Variants in ADAM29 observed in about 807,000 individuals in gnomAD.
ADAM29 encodes disintegrin and metalloproteinase domain-containing protein 29.
For synonymous variants in ADAM29, 367 were observed against 342.3 expected (o/e 1.07, Z -0.80); for missense variants, 969 against 1,001.8 (o/e 0.97, Z 0.44).
intron 3 of ADAM29, among the ~76,000 whole-genome samples, chr4:174,932,324 A>C (rs888216164): frequency 4.6e-5 from 7 of 152,178 alleles, no homozygotes; most frequent in Admixed American, 4.6e-4. Context: ...CAATATATGA[A>C]GTTTTCCTGA....
chr4:174,926,244 G>GA (rs1359964066), intron 2 of ADAM29, among the ~76,000 whole-genome samples: 8 of 152,028 alleles, frequency 5.3e-5, no homozygotes, highest in African/African-American at 1.9e-4. Flanking sequence ...TTTTACAAAA[G>GA]AAAAAACCGT....
Position 174,976,776 on chromosome 4 carries a change from G to C in ADAM29, c.1251G>C (p.Lys417Asn). ...AAGAGTGTGACTGTGGACCTTTAAAGCATTGTGCAAAAGATCCCTGCTGTC... is the reference window on the plus strand; with the variant it reads ...AAGAGTGTGACTGTGGACCTTTAAACCATTGTGCAAAAGATCCCTGCTGTC... ...EGEECDCGPLKHCAKDPCCLS... is the reference protein window; with the variant it reads ...EGEECDCGPLNHCAKDPCCLS... Residue 417 changes from lysine (K) to asparagine (N), a missense_variant, in exon 5 of 5, where the codon AAG becomes AAC. Physicochemically the swap from Lys to Asn is moderately conservative, Grantham distance 94. Coordinates refer to ENST00000359240, the MANE Select transcript of ADAM29 (RefSeq NM_014269.4). 1 of 1,614,152 alleles carries C rather than the reference G, an allele frequency of 6.2e-7. No homozygotes were observed. Among genetic ancestry groups the C allele is most frequent in the Non-Finnish European group, 8.5e-7 (1 of 1,180,020 alleles).
At chr4:174,954,708 G>A (rs899358301) in intron 4 of ADAM29, among the ~76,000 whole-genome samples, 1 of 152,050 alleles carries the variant, frequency 6.6e-6, no homozygotes, top group Non-Finnish European at 1.5e-5. Context: ...CCAATCTCAG[G>A]CAGTCAGAAG....
chr4:174,919,571 G>T (rs1477632427), intron 1 of ADAM29, among the ~76,000 whole-genome samples: 1 of 152,132 alleles, frequency 6.6e-6, no homozygotes, highest in Non-Finnish European at 1.5e-5. Flanking sequence ...GCTCATTAAT[G>T]TTGGTAGAAT....
intron 2 of ADAM29, among the ~76,000 whole-genome samples, chr4:174,926,252 C>A (rs115235588): frequency 6.6e-6 from 1 of 151,982 alleles, no homozygotes; most frequent in Non-Finnish European, 1.5e-5. Context: ...AAGAAAAAAC[C>A]GTATCGATAA....
At chr4:174,942,141 G>C (rs572527838) in intron 4 of ADAM29, among the ~76,000 whole-genome samples, 2 of 152,198 alleles carry the variant, frequency 1.3e-5, no homozygotes, top group Non-Finnish European at 2.9e-5. Context: ...GGCTCTGTAG[G>C]GTACAGTCCC....
At chr4:174,945,554 T>G (rs1744796101) in intron 4 of ADAM29, among the ~76,000 whole-genome samples, 1 of 152,212 alleles carries the variant, frequency 6.6e-6, no homozygotes. Context: ...ATCTTCATCA[T>G]GAAGTCTTTG....
At chr4:174,931,400 G>T (rs1743865176) in intron 3 of ADAM29, 2 of 152,016 alleles carry the variant, frequency 1.3e-5, no homozygotes, top group African/African-American at 4.8e-5. Context: ...TCAAAATAAG[G>T]TTCTGAATTT....
chr4:174,947,211 T>C (rs1744904626), intron 4 of ADAM29, among the ~76,000 whole-genome samples: 1 of 152,126 alleles, frequency 6.6e-6, no homozygotes, highest in Non-Finnish European at 1.5e-5. Flanking sequence ...GCTGGATTTG[T>C]TGATCTTTTT....
intron 2 of ADAM29, among the ~76,000 whole-genome samples, 193 bp downstream of exon 2, chr4:174,920,985 G>A (rs1242271216): frequency 2.0e-5 from 3 of 152,118 alleles, no homozygotes; most frequent in Admixed American, 2.0e-4. Context: ...CCAATGGGTA[G>A]TTCTCACCAA....
intron 2 of ADAM29, among the ~76,000 whole-genome samples, chr4:174,922,249 G>T (rs534976658): frequency 6.6e-6 from 1 of 152,244 alleles, no homozygotes; most frequent in South Asian, 2.1e-4. Context: ...CTGTGTTGAT[G>T]ACAATAGCTT....
At position 174,953,503 on chromosome 4, in the gene ADAM29, A is replaced by G. The variant is rs1371609197; in HGVS notation, c.-181+16490A>G. ...TACAGATTTCAAAAGATTTTCTAAC[A>G]ACACACAGCATGAAACTCACATAAT... On this transcript the variant is annotated intron_variant, in intron 4 of 4. Transcript: ENST00000359240. Among the ~76,000 whole-genome samples the G allele has an allele frequency of 2.0e-5, 3 of 152,306 alleles. No homozygotes were observed. The South Asian group carries it at 6.2e-4, about 32-fold the overall frequency.
At chr4:174,919,986 C>A (rs2110882574) in intron 1 of ADAM29, among the ~76,000 whole-genome samples, 1 of 152,296 alleles carries the variant, frequency 6.6e-6, no homozygotes, top group South Asian at 2.1e-4. Flanking sequence ...TTAACCAAAT[C>A]TTTGTTAATC....
intron 4 of ADAM29, among the ~76,000 whole-genome samples, chr4:174,961,856 G>C (rs1745839452): frequency 3.3e-5 from 5 of 152,106 alleles, no homozygotes; most frequent in Admixed American, 3.3e-4. Flanking sequence ...ACTCCATAAA[G>C]ATTTCACTGG....
At chr4:174,930,827 A>G (rs1743819390) in intron 2 of ADAM29, among the ~76,000 whole-genome samples, 159 bp from the exon 3 acceptor site, 1 of 152,058 alleles carries the variant, frequency 6.6e-6, no homozygotes, top group Non-Finnish European at 1.5e-5. Context: ...ATTTCTCTTG[A>G]TTGTTTTTCC....
intron 4 of ADAM29, among the ~76,000 whole-genome samples, chr4:174,970,824 T>C (rs1190950344): frequency 6.6e-6 from 1 of 152,164 alleles, no homozygotes; most frequent in Non-Finnish European, 1.5e-5. Context: ...GCATCTGTAG[T>C]AATGTTGCCT....
rs758992543 is a variant in ADAM29, at chr4:174,976,813, A to G, written c.1288A>G (p.Thr430Ala). Reference sequence around the variant, plus strand: ...AGATCCCTGCTGTCTGTCAAATTGCACTCTGACTGATGGTTCTACTTGTGC... The same window carrying G: ...AGATCCCTGCTGTCTGTCAAATTGCGCTCTGACTGATGGTTCTACTTGTGC... ...AKDPCCLSNC[T>A]LTDGSTCAFG... The change falls in exon 5 of 5, where the codon ACT becomes GCT. Residue 430 changes from threonine (T) to alanine (A), a missense_variant. By Grantham distance (58) the Thr-to-Ala change is moderately conservative (BLOSUM62 0). Transcript: ENST00000359240. 2 of 1,614,140 alleles carry G rather than the reference A, an allele frequency of 1.2e-6. No homozygotes were observed. The highest frequency in any genetic ancestry group is 1.7e-6 in the Non-Finnish European group (2 of 1,180,016).
At chr4:174,922,571 A>G (rs1743225622) in intron 2 of ADAM29, among the ~76,000 whole-genome samples, 1 of 152,316 alleles carries the variant, frequency 6.6e-6, no homozygotes, top group East Asian at 1.9e-4. Context: ...AGGCTTCCAT[A>G]CTTTGGTGGG....
chr4:174,960,610 G>T (rs999823702), intron 4 of ADAM29, among the ~76,000 whole-genome samples: 4 of 151,998 alleles, frequency 2.6e-5, no homozygotes, highest in Admixed American at 6.6e-5. Flanking sequence ...TTCTCTAATT[G>T]CTCTATCAAA....
Sources: gnomAD v4.1 joint callset for allele counts (sites outside exome capture counted in the v4.1 genomes callset) on GRCh38, gnomAD v4.1.1 for gene constraint, MANE v1.5 for transcripts, NCBI Gene and HGNC (gene_info 2026-07-23, HGNC 2026-07-21) for gene names.